The following COL9A1 variants were observed in gnomAD, a reference collection of about 807,000 sequenced individuals.
COL9A1 encodes the protein collagen type IX alpha 1 chain, also known as collagen alpha-1(IX) chain.
In COL9A1, 104 loss-of-function variants were observed where a neutral mutation model predicts 142.6. That is an observed-to-expected ratio of 0.73 (90% CI 0.62 to 0.86). COL9A1 has a LOEUF of 0.86. Ranked by LOEUF, COL9A1 falls within the 40% of genes least tolerant of loss-of-function variation. COL9A1 has a pLI of 0.00. For missense variants in COL9A1, 1,210 were observed against 1,176.6 expected (o/e 1.03, Z -0.42); for synonymous variants, 466 against 396.0 (o/e 1.18, Z -2.10).
At chr6:70,245,325 C>T (rs1420974174) in intron 28 of COL9A1, among the ~76,000 whole-genome samples, 1 of 152,152 alleles carries the variant, frequency 6.6e-6, no homozygotes, top group South Asian at 2.1e-4. Flanking sequence ...TAAACACATT[C>T]CTCAGGGAGT....
At chr6:70,300,198 GAA>G in intron 3 of COL9A1, 23 bp from the exon 4 acceptor site, 1 of 1,613,124 alleles carries the variant, frequency 6.2e-7, no homozygotes, top group South Asian at 1.1e-5. Flanking sequence ...AATACAAAAT[GAA>G]AAGTCTAAAA....
chr6:70,260,929 A>T, intron 19 of COL9A1: 1 of 471,228 alleles, frequency 2.1e-6, no homozygotes, highest in Admixed American at 3.5e-5. Context: ...AGTCTTACAC[A>T]AAACTGGAGT....
chr6:70,254,996 G>A lies in COL9A1; in HGVS notation c.1632C>T (p.Gly544=). Reference sequence around the variant, plus strand: ...CAGGCATTCCAGGGATCCCATCACGGCCATCCACACCTGGCAAACCCTAAA... The same window carrying A: ...CAGGCATTCCAGGGATCCCATCACGACCATCCACACCTGGCAAACCCTAAA... ...KGDTGLPGVD[G]RDGIPGMPGT... is the part of the protein sequence containing the mutation. Residue 544 remains glycine, a synonymous_variant, in exon 24 of 38, where the codon GGC becomes GGT. Transcript: ENST00000357250. 6.2e-7 allele frequency: 1 copy of A among 1,614,096 alleles called. No homozygotes were observed. The highest frequency in any genetic ancestry group is 1.1e-5 in the South Asian group (1 of 91,078).
rs1328289218 is a variant in COL9A1, at chr6:70,242,163, T to G, written c.1927-128A>C. ...CGTGCTGTGGTTGGTTGAACTCTGC[T>G]TCTTGGGTTTGCCTCTCTTTCATAT... On this transcript the variant is annotated intron_variant, in intron 29 of 37. Coordinates refer to ENST00000357250, the MANE Select transcript of COL9A1 (RefSeq NM_001851.6). 3.0e-5 allele frequency: 24 copies of G among 804,272 alleles called. No homozygotes were observed. The Admixed American group carries it at 4.8e-4, about 16-fold the overall frequency. 49.8% of individuals were successfully genotyped at this position (804,272 alleles called of 1,614,324 possible).
At position 70,281,003 on chromosome 6, in the gene COL9A1, C is replaced by T. The variant is rs762837933; in HGVS notation, c.912+1G>A. On this transcript the variant is annotated splice_donor_variant, in intron 9 of 37. Transcript: ENST00000357250. LOFTEE classifies it high-confidence loss of function. ...AGCGCCATATGCTCCAATCAACTTA[C>T]CGGGGGGCCCGGGGGGCCCTTAGGA... 1.2e-6 allele frequency: 2 copies of T among 1,613,118 alleles called. No individual in the cohort carries two copies. Among genetic ancestry groups the T allele is most frequent in the East Asian group, 2.2e-5 (1 of 44,852 alleles).
At chr6:70,218,099 C>T (rs1296353702) in intron 37 of COL9A1, among the ~76,000 whole-genome samples, 2 of 152,108 alleles carry the variant, frequency 1.3e-5, no homozygotes, top group Non-Finnish European at 2.9e-5. Context: ...GCCGAGATCG[C>T]GCCACTGCAC....
intron 19 of COL9A1, among the ~76,000 whole-genome samples, chr6:70,262,285 A>C (rs1407568900): frequency 6.6e-6 from 1 of 152,122 alleles, no homozygotes; most frequent in Admixed American, 6.5e-5. Context: ...TGAAATAAAC[A>C]CCCTAGACAC....
In COL9A1 at chr6:70,296,129, C is replaced by T. The variant is rs1321927743; in HGVS notation, c.300-1566G>A. Among the ~76,000 whole-genome samples the T allele has an allele frequency of 2.0e-5, 3 of 152,146 alleles. No individual in the cohort carries two copies. The East Asian group carries it at 5.8e-4, about 29-fold the overall frequency. On this transcript the variant is annotated intron_variant, in intron 4 of 37. Coordinates refer to ENST00000357250, the MANE Select transcript of COL9A1 (RefSeq NM_001851.6). ...AACTTCTTTTATACAAATATTTTTA[C>T]AAGCCCTCAATAAAATAAGTCAACT...
chr6:70,298,690 C>T (rs900630495), intron 4 of COL9A1, among the ~76,000 whole-genome samples: 5 of 152,166 alleles, frequency 3.3e-5, no homozygotes, highest in Admixed American at 2.6e-4. Context: ...GTACCTCAAA[C>T]CTTAGAAGAG....
At chr6:70,251,636 A>T (rs1770951333) in intron 28 of COL9A1, among the ~76,000 whole-genome samples, 1 of 152,252 alleles carries the variant, frequency 6.6e-6, no homozygotes, top group Admixed American at 6.5e-5. Flanking sequence ...TGGCAAATCT[A>T]TAGAGACATA....
At chr6:70,290,094 T>C (rs902857972) in intron 5 of COL9A1, among the ~76,000 whole-genome samples, 2 of 152,048 alleles carry the variant, frequency 1.3e-5, no homozygotes, top group Admixed American at 1.3e-4. Context: ...TATGCTCAGG[T>C]AAAAAGAAGG....
chr6:70,294,712 G>T, intron 4 of COL9A1, 149 bp from the exon 5 acceptor site: 1 of 718,510 alleles, frequency 1.4e-6, no homozygotes, highest in African/African-American at 1.8e-5. Flanking sequence ...TTTCATGACT[G>T]TTCATAAAGA....
chr6:70,233,471 G>A (rs975700167), intron 35 of COL9A1, among the ~76,000 whole-genome samples: 7 of 151,940 alleles, frequency 4.6e-5, no homozygotes, highest in African/African-American at 9.7e-5. Context: ...CTAAAGGCAT[G>A]GCCTACAACA....
In COL9A1 at chr6:70,281,058, AAGAG is replaced by A. The variant is rs1773129252; in HGVS notation, c.877-23_877-20del. ...GGTCACCCTGGAGGGGTAGGAGAAA[AAGAG>A]AGAGCAGTCTATGAGCGGGATAGGC... On this transcript the variant is annotated intron_variant, in intron 8 of 37. Transcript: ENST00000357250. 6 of 1,603,914 alleles carry A rather than the reference AAGAG, an allele frequency of 3.7e-6. No homozygotes were observed. Among genetic ancestry groups the A allele is most frequent in the Non-Finnish European group, 4.3e-6 (5 of 1,175,922 alleles).
intron 5 of COL9A1, among the ~76,000 whole-genome samples, chr6:70,285,338 A>G (rs1773410240): frequency 6.6e-6 from 1 of 152,232 alleles, no homozygotes; most frequent in Non-Finnish European, 1.5e-5. Context: ...CATCTATACA[A>G]CAACCGTTTT....
intron 5 of COL9A1, among the ~76,000 whole-genome samples, chr6:70,291,154 A>G (rs1228655343): frequency 1.3e-5 from 2 of 152,142 alleles, no homozygotes; most frequent in South Asian, 2.1e-4. Context: ...ACTAAGGACA[A>G]CTCATGGACA....
intron 36 of COL9A1, among the ~76,000 whole-genome samples, chr6:70,227,127 A>G (rs1349873790): frequency 6.6e-6 from 1 of 152,114 alleles, no homozygotes; most frequent in East Asian, 1.9e-4. Context: ...CTGGAAAAGA[A>G]AAGTTAGATC....
chr6:70,260,267 C>A (rs377643794), intron 20 of COL9A1, among the ~76,000 whole-genome samples: 2 of 152,190 alleles, frequency 1.3e-5, no homozygotes, highest in African/African-American at 4.8e-5. Context: ...TTAGGCTGGG[C>A]GCGGTGGCTC....
chr6:70,215,610 T>C (rs1298695716), downstream of COL9A1: 2 of 152,204 alleles, frequency 1.3e-5, no homozygotes, highest in Non-Finnish European at 2.9e-5. Context: ...AATAAAGTGC[T>C]TAAGTGGTCA....
Sources: gnomAD v4.1 joint callset for allele counts (sites outside exome capture counted in the v4.1 genomes callset) on GRCh38, gnomAD v4.1.1 for gene constraint, MANE v1.5 for transcripts, NCBI Gene and HGNC (gene_info 2026-07-23, HGNC 2026-07-21) for gene names.